Variants in ELOVL6 observed in about 807,000 individuals in gnomAD.
ELOVL6 encodes the protein very long chain fatty acid elongase 6.
Under a neutral mutation model 31.7 loss-of-function variants are expected in ELOVL6, and 8 were observed. That is an observed-to-expected ratio of 0.25 (90% CI 0.15 to 0.45). The LOEUF is 0.45. Among genes scored for constraint, ELOVL6 ranks in the 20% least tolerant of loss-of-function variants. ELOVL6 has a pLI of 1.00. For synonymous variants in ELOVL6, 101 were observed against 117.7 expected, an observed-to-expected ratio of 0.86 and a Z score of 0.92; for missense variants, 126 against 326.4, an observed-to-expected ratio of 0.39 and a Z score of 4.73.
intron 2 of ELOVL6, among the ~76,000 whole-genome samples, chr4:110,076,904 A>T (rs1173302784): frequency 6.6e-6 from 1 of 152,148 alleles, no homozygotes; most frequent in Non-Finnish European, 1.5e-5. Context: ...GTGCTTTTCC[A>T]ATGGTCTTAG....
chr4:110,161,146 C>A (rs2126269314), intron 1 of ELOVL6, among the ~76,000 whole-genome samples: 1 of 152,224 alleles, frequency 6.6e-6, no homozygotes, highest in East Asian at 1.9e-4. Context: ...GAAAAAAACA[C>A]AAACGCCCAT....
At chr4:110,084,043 C>CCATATATGGTATATAAG (rs1560813672) in intron 2 of ELOVL6, among the ~76,000 whole-genome samples, 8 of 25,590 alleles carry the variant, frequency 3.1e-4, no homozygotes, top group African/African-American at 8.9e-4. Context: ...TGGTATATAA[C>CCATATATGGTATATAAG]ACATGCTATA....
intron 1 of ELOVL6, among the ~76,000 whole-genome samples, chr4:110,177,205 A>C (rs1280946632): frequency 6.6e-6 from 1 of 152,186 alleles, no homozygotes; most frequent in Non-Finnish European, 1.5e-5. Flanking sequence ...TGAGAGGCTA[A>C]GGCTGGAGGA....
intron 1 of ELOVL6, among the ~76,000 whole-genome samples, chr4:110,192,072 C>G (rs750335501): frequency 3.2e-4 from 49 of 151,534 alleles, no homozygotes; most frequent in Non-Finnish European, 5.9e-4. Flanking sequence ...TGCCTGTAAA[C>G]CCAGCTACTC....
At chr4:110,171,216 C>T (rs1455701051) in intron 1 of ELOVL6, among the ~76,000 whole-genome samples, 1 of 152,058 alleles carries the variant, frequency 6.6e-6, no homozygotes, top group East Asian at 1.9e-4. Context: ...CTGAGACCAG[C>T]CTGACCAACA....
At chr4:110,190,842 C>T (rs1341781713) in intron 1 of ELOVL6, among the ~76,000 whole-genome samples, 2 of 149,118 alleles carry the variant, frequency 1.3e-5, no homozygotes, top group Non-Finnish European at 3.0e-5. Flanking sequence ...TTTTTTGAGA[C>T]ACAGTTTTGC....
chr4:110,087,529 T>G (rs1399263368), intron 2 of ELOVL6, among the ~76,000 whole-genome samples: 1 of 152,212 alleles, frequency 6.6e-6, no homozygotes, highest in Non-Finnish European at 1.5e-5. Context: ...TATTCTCACT[T>G]TTGGACTTGA....
At chr4:110,101,509 AAAC>A (rs1489382821) in intron 2 of ELOVL6, among the ~76,000 whole-genome samples, 1 of 152,224 alleles carries the variant, frequency 6.6e-6, no homozygotes, top group East Asian at 1.9e-4. Context: ...AGAAAAACAC[AAAC>A]AATAATAAAT....
At chr4:110,086,827 A>ACCT (rs1417063286) in intron 2 of ELOVL6, among the ~76,000 whole-genome samples, 1 of 152,090 alleles carries the variant, frequency 6.6e-6, no homozygotes, top group Non-Finnish European at 1.5e-5. Flanking sequence ...TTCTGAAAAT[A>ACCT]CCTCCCTATG....
At chr4:110,053,706 G>A (rs1196128826) in intron 3 of ELOVL6, among the ~76,000 whole-genome samples, 2 of 152,134 alleles carry the variant, frequency 1.3e-5, no homozygotes. Flanking sequence ...TTGGGAGCCC[G>A]AGGTGGGCAG....
rs1432655096 is a variant in ELOVL6 at position 110,082,934 on chromosome 4, T to C, written c.221+22563A>G. Among the ~76,000 whole-genome samples, 3 of 151,886 alleles carry C rather than the reference T, an allele frequency of 2.0e-5. No homozygotes were observed. The East Asian group carries it at 5.8e-4, about 29-fold the overall frequency. On this transcript the variant is annotated intron_variant, in intron 2 of 3. Transcript: ENST00000302274. ...AAATCTCAAATTAAGACATTATTAC[T>C]TGTAAGTATCAGAACTAGTGAATGT...
intron 1 of ELOVL6, among the ~76,000 whole-genome samples, chr4:110,164,748 A>AG (rs1419014497): frequency 2.1e-5 from 3 of 144,628 alleles, no homozygotes; most frequent in East Asian, 4.1e-4. Context: ...CAAAAAAAAA[A>AG]AAAAAAAGAA....
intron 1 of ELOVL6, among the ~76,000 whole-genome samples, chr4:110,142,966 G>C (rs750789328): frequency 4.6e-5 from 7 of 152,106 alleles, no homozygotes; most frequent in Non-Finnish European, 1.0e-4. Context: ...CCCTCAGCAC[G>C]TAAGGAATGG....
intron 2 of ELOVL6, among the ~76,000 whole-genome samples, chr4:110,094,441 ATAAT>A (rs199612984): frequency 0.077 from 4,674 of 60,692 alleles, 384 homozygotes; most frequent in African/African-American, 0.17. Flanking sequence ...ATATATATAT[ATAAT>A]ATATATAACA....
rs1491154383 is a variant in ELOVL6 at position 110,084,110 on chromosome 4, TGA to T, written c.221+21385_221+21386del. Among the ~76,000 whole-genome samples, 410 of 96,986 alleles carry T rather than the reference TGA, an allele frequency of 4.2e-3. 65 individuals carry two copies. The highest frequency in any genetic ancestry group is 0.014 in the Middle Eastern group (1 of 70). 63.6% of individuals were successfully genotyped at this position (96,986 alleles called of 152,430 possible). A position where few individuals can be genotyped will look rare whatever the true frequency, so the allele number is the denominator to read the frequency against. On this transcript the variant is annotated intron_variant, in intron 2 of 3. Transcript: ENST00000302274. ...ATATATAACATATATATGATATATATGATATATATAACATATATGTGATAATG... is the reference window on the plus strand; with the variant it reads ...ATATATAACATATATATGATATATATTATATATAACATATATGTGATAATG...
chr4:110,125,689 T>C (rs1468018953), intron 1 of ELOVL6, among the ~76,000 whole-genome samples: 2 of 151,604 alleles, frequency 1.3e-5, no homozygotes, highest in Non-Finnish European at 2.9e-5. Flanking sequence ...TAGCCAGGCA[T>C]GGTGGCATAC....
chr4:110,165,126 A>C (rs999357789), intron 1 of ELOVL6, among the ~76,000 whole-genome samples: 11 of 152,194 alleles, frequency 7.2e-5, no homozygotes, highest in African/African-American at 2.7e-4. Context: ...TATTCTTCAA[A>C]AAGAGGACTG....
rs775612524 is a variant in ELOVL6, at chr4:110,188,296, A to G, written c.89+9951T>C. 8.5e-5 allele frequency among the ~76,000 whole-genome samples: 13 copies of G among 152,334 alleles called. 2 individuals are homozygous for G. The highest frequency in any genetic ancestry group is 2.2e-4 in the African/African-American group (9 of 41,578). On this transcript the variant is annotated intron_variant, in intron 1 of 3. Transcript: ENST00000302274. ...ATCCACCCAGTGAAAATTATTAACA[A>G]AAGAGACATTTGTGAGATCATTGAC...
At chr4:110,179,191 G>T (rs933689904) in intron 1 of ELOVL6, among the ~76,000 whole-genome samples, 1 of 152,070 alleles carries the variant, frequency 6.6e-6, no homozygotes. Flanking sequence ...TAAAATACAT[G>T]TATGTAAACT....
Sources: gnomAD v4.1 joint callset for allele counts (sites outside exome capture counted in the v4.1 genomes callset) on GRCh38, gnomAD v4.1.1 for gene constraint, MANE v1.5 for transcripts, NCBI Gene and HGNC (gene_info 2026-07-23, HGNC 2026-07-21) for gene names.